Variants in APOLD1 observed in about 807,000 individuals in gnomAD.
The protein encoded by APOLD1 is apolipoprotein L domain-containing protein 1.
A neutral mutation model predicts 15.3 loss-of-function variants in APOLD1; 22 were observed. The observed-to-expected ratio is 1.44, with a 90% CI of 1.03 to 2.05. APOLD1 has a LOEUF of 2.05. Ranked by LOEUF, APOLD1 falls within the 30% of genes most tolerant of loss-of-function variation. The pLI is 0.00. For missense variants in APOLD1, 394 were observed against 353.5 expected, an observed-to-expected ratio of 1.11 and a Z score of -0.92; for synonymous variants, 190 against 167.4, an observed-to-expected ratio of 1.13 and a Z score of -1.04.
chr12:12,769,047 G>A (rs1459884787), intron 1 of APOLD1, among the ~76,000 whole-genome samples: 1 of 151,630 alleles, frequency 6.6e-6, no homozygotes, highest in Non-Finnish European at 1.5e-5. Context: ...GAGCAACGTG[G>A]CAAAACCCCA....
chr12:12,787,723 C>T lies in APOLD1; in HGVS notation c.*71C>T. The T allele has an allele frequency of 6.6e-7, 1 of 1,508,866 alleles. No homozygotes were observed. The highest frequency in any genetic ancestry group is 8.8e-7 in the Non-Finnish European group (1 of 1,136,774). 93.5% of individuals were successfully genotyped at this position (1,508,866 alleles called of 1,614,324 possible). A position where few individuals can be genotyped will look rare whatever the true frequency, so the allele number is the denominator to read the frequency against. The stretch of plus-strand genomic sequence containing the variant: ...TGGGATGCTCCAGAATTTGTAGCTC[C>T]CTTAGGAAAACACCAAGCTGGGTTA... On this transcript the variant is annotated 3_prime_UTR_variant, in exon 2 of 2. Coordinates refer to ENST00000356591, the MANE Select transcript of APOLD1 (RefSeq NM_030817.3). This position sits in a 1 kb window ranked among gnomAD's most constrained non-coding sequence, Gnocchi z 4.9.
chr12:12,746,266 C>A (rs1351260694), intron 1 of APOLD1, among the ~76,000 whole-genome samples: 1 of 152,336 alleles, frequency 6.6e-6, no homozygotes, highest in South Asian at 2.1e-4. Flanking sequence ...GAAGCCGAGG[C>A]GGGTGGGTCA....
chr12:12,761,824 TATGTATAGAGAG>T (rs1946901456), intron 1 of APOLD1, among the ~76,000 whole-genome samples: 1 of 35,236 alleles, frequency 2.8e-5, no homozygotes, highest in African/African-American at 7.4e-5. Context: ...CATATATGTA[TATGTATAGAGAG>T]AGAGAGAGAG....
At chr12:12,750,427 T>G (rs1360795762) in intron 1 of APOLD1, among the ~76,000 whole-genome samples, 1 of 151,736 alleles carries the variant, frequency 6.6e-6, no homozygotes, top group Non-Finnish European at 1.5e-5. Context: ...TGGACTTCTT[T>G]GAATTTTAAC....
chr12:12,732,683 C>T (rs1946649126), intron 1 of APOLD1, among the ~76,000 whole-genome samples: 1 of 146,882 alleles, frequency 6.8e-6, no homozygotes, highest in African/African-American at 2.5e-5. Context: ...AGAGATTACA[C>T]TACTGCACTC....
intron 1 of APOLD1, among the ~76,000 whole-genome samples, chr12:12,780,654 T>A: frequency 6.7e-6 from 1 of 148,428 alleles, no homozygotes; most frequent in Non-Finnish European, 1.5e-5. Context: ...AGTGGAGCAA[T>A]CTTGGCTCAC....
chr12:12,748,568 C>T (rs1946783133), intron 1 of APOLD1, among the ~76,000 whole-genome samples: 1 of 152,160 alleles, frequency 6.6e-6, no homozygotes, highest in South Asian at 2.1e-4. Context: ...GTGTGATGAT[C>T]AGCACCACCT....
intron 1 of APOLD1, among the ~76,000 whole-genome samples, chr12:12,762,271 T>C (rs1443298390): frequency 2.6e-5 from 4 of 151,884 alleles, no homozygotes; most frequent in African/African-American, 7.3e-5. Flanking sequence ...TAGCTAAGGA[T>C]GGAGACAGCC....
chr12:12,726,141 A>G (rs1946590665), intron 1 of APOLD1: 1 of 678,746 alleles, frequency 1.5e-6, no homozygotes, highest in Non-Finnish European at 2.3e-6. Flanking sequence ...CCGGAAAAGA[A>G]CACCTCTTCG....
chr12:12,726,744 A>C (rs995284639), intron 1 of APOLD1, among the ~76,000 whole-genome samples: 7 of 152,136 alleles, frequency 4.6e-5, no homozygotes, highest in African/African-American at 1.7e-4. Context: ...CTCTTAATTA[A>C]GGTCCATGAA....
At chr12:12,769,569 G>A (rs1397655698) in intron 1 of APOLD1, among the ~76,000 whole-genome samples, 1 of 114,032 alleles carries the variant, frequency 8.8e-6, no homozygotes, top group African/African-American at 5.1e-5. Flanking sequence ...AGTGAATTTT[G>A]CAAACGATCC....
At chr12:12,783,608 C>T (rs932179911), upstream of APOLD1, among the ~76,000 whole-genome samples, 5 of 149,544 alleles carry the variant, frequency 3.3e-5, no homozygotes, top group Admixed American at 3.3e-4. Flanking sequence ...CCACTGCACC[C>T]GGCCCCAGTT....
chr12:12,737,502 G>A (rs1459193132), intron 1 of APOLD1, among the ~76,000 whole-genome samples: 2 of 151,988 alleles, frequency 1.3e-5, no homozygotes, highest in African/African-American at 4.8e-5. Flanking sequence ...TATATTTCTC[G>A]AACATAATAG....
chr12:12,750,009 C>A (rs920451296), intron 1 of APOLD1, among the ~76,000 whole-genome samples: 10 of 152,256 alleles, frequency 6.6e-5, no homozygotes, highest in African/African-American at 2.4e-4. Flanking sequence ...TTAAGCTGTA[C>A]TTGTCAAAAG....
chr12:12,757,129 A>G (rs552920218), intron 1 of APOLD1, among the ~76,000 whole-genome samples: 3 of 152,296 alleles, frequency 2.0e-5, no homozygotes, highest in African/African-American at 7.2e-5. Flanking sequence ...CCAAAACAAG[A>G]ACTATAAAAA....
rs1218047176 is a variant in APOLD1 at position 12,787,494 on chromosome 12, GC to G, written c.591del (p.Lys198ArgfsTer58). ...CAAGGTTAGCCAGGCCGTGCTGAAG[GC>G]CAAGATTCAGAAACTGGCCGAGAGC... ...DTKVSQAVLK[A>X]KIQKLAESLE... is the part of the protein sequence containing the mutation. On this transcript the variant is annotated frameshift_variant, in exon 2 of 2. Coordinates refer to ENST00000356591, the MANE Select transcript of APOLD1 (RefSeq NM_030817.3). LOFTEE classifies it high-confidence loss of function. This position sits in a 1 kb window ranked among gnomAD's most constrained non-coding sequence, Gnocchi z 4.9. 3.1e-6 allele frequency: 5 copies of G among 1,614,154 alleles called. No individual in the cohort carries two copies. Among genetic ancestry groups the G allele is most frequent in the African/African-American group, 1.3e-5 (1 of 75,062 alleles).
upstream of APOLD1, among the ~76,000 whole-genome samples, chr12:12,783,302 TTTTGTTTG>T (rs374503813): frequency 2.6e-5 from 4 of 152,070 alleles, no homozygotes; most frequent in Non-Finnish European, 4.4e-5. Context: ...CAGTTGGGTT[TTTTGTTTG>T]TTTGTTTGTT....
intron 1 of APOLD1, among the ~76,000 whole-genome samples, chr12:12,733,175 A>C (rs1192889025): frequency 7.0e-6 from 1 of 142,820 alleles, no homozygotes; most frequent in African/African-American, 2.8e-5. Flanking sequence ...AAAAAAAAAA[A>C]ATTAGCTGGA....
rs1947172917 is a variant in APOLD1 at position 12,790,180 on chromosome 12, T to G, written c.*2528T>G. 1 of 152,234 alleles carries G rather than the reference T, an allele frequency of 6.6e-6. No homozygotes were observed. The highest frequency in any genetic ancestry group is 2.4e-5 in the African/African-American group (1 of 41,446). 9.4% of individuals were successfully genotyped at this position (152,234 alleles called of 1,614,324 possible). ...CAGCACACCCGGCTAATTTTTTGTA[T>G]TTTTAGTAGAGACAGGGTTTCGCCA... On this transcript the variant is annotated 3_prime_UTR_variant, in exon 2 of 2. Coordinates refer to ENST00000356591, the MANE Select transcript of APOLD1 (RefSeq NM_030817.3).
Sources: allele counts gnomAD v4.1 joint callset (sites outside exome capture counted in the v4.1 genomes callset), GRCh38; gene constraint gnomAD v4.1.1; non-coding constraint Gnocchi (gnomAD v3.1); transcripts MANE v1.5; gene names NCBI Gene and HGNC (gene_info 2026-07-23, HGNC 2026-07-21).